The following FGD5 variants were observed in gnomAD, a reference collection of about 807,000 sequenced individuals.
FGD5 encodes FYVE, RhoGEF and PH domain containing 5, also known as FYVE, RhoGEF and PH domain-containing protein 5.
In FGD5, 28 loss-of-function variants were observed where a neutral mutation model predicts 133.4. The ratio of observed to expected loss-of-function variants is 0.21; its 90% CI spans 0.16 to 0.29. The LOEUF (loss-of-function observed/expected upper bound fraction) is 0.29, where lower values mean the gene tolerates loss of function less well. Among genes scored for constraint, FGD5 ranks in the 10% least tolerant of loss-of-function variants. The pLI, the probability that FGD5 is intolerant of heterozygous loss-of-function variation, is 1.00. For missense variants in FGD5, 1,858 were observed against 1,895.2 expected (o/e 0.98, Z 0.36); for synonymous variants, 810 against 776.5 (o/e 1.04, Z -0.72).
intron 1 of FGD5, among the ~76,000 whole-genome samples, chr3:14,837,620 A>G (rs1273202920): frequency 6.6e-6 from 1 of 151,496 alleles, no homozygotes. Flanking sequence ...TGCTTCTCCC[A>G]CGGAGAGGGG....
At chr3:14,894,655 A>G (rs943769382) in intron 4 of FGD5, among the ~76,000 whole-genome samples, 1 of 149,478 alleles carries the variant, frequency 6.7e-6, no homozygotes, top group Admixed American at 6.7e-5. Context: ...AGCTGAGACC[A>G]CAGGTGCAGG....
intron 11 of FGD5, among the ~76,000 whole-genome samples, chr3:14,912,118 C>T (rs971563329): frequency 2.6e-5 from 4 of 152,096 alleles, no homozygotes; most frequent in Admixed American, 1.3e-4. Flanking sequence ...GGGTCTTCCC[C>T]ATGCCCCAAA....
At chr3:14,897,887 C>T (rs1012642410) in intron 5 of FGD5, 52 bp from the exon 6 acceptor site, 12 of 1,606,832 alleles carry the variant, frequency 7.5e-6, no homozygotes, top group Admixed American at 6.7e-5. Flanking sequence ...TCTAACCCTG[C>T]GTTGGTTACA....
At chr3:14,904,762 G>A (rs1266045542) in intron 9 of FGD5, among the ~76,000 whole-genome samples, 1 of 152,128 alleles carries the variant, frequency 6.6e-6, no homozygotes, top group African/African-American at 2.4e-5. Flanking sequence ...ACCAGCTTTT[G>A]CATATACCCA....
chr3:14,899,663 G>C (rs955554562), intron 7 of FGD5, among the ~76,000 whole-genome samples: 6 of 152,222 alleles, frequency 3.9e-5, no homozygotes, highest in Non-Finnish European at 7.3e-5. Context: ...AGATGCAGCA[G>C]TAAATCGAAC....
At chr3:14,854,981 T>A (rs999910577) in intron 1 of FGD5, among the ~76,000 whole-genome samples, 3 of 152,204 alleles carry the variant, frequency 2.0e-5, no homozygotes, top group Admixed American at 6.5e-5. Flanking sequence ...CTGTATCTTT[T>A]ATTCTTTTAC....
At chr3:14,832,676 C>G (rs2036739642) in intron 1 of FGD5, among the ~76,000 whole-genome samples, 1 of 152,128 alleles carries the variant, frequency 6.6e-6, no homozygotes, top group Non-Finnish European at 1.5e-5. Flanking sequence ...GGGAGGATGT[C>G]TATAGGAATG....
chr3:14,926,379 A>G (rs1244044864), intron 18 of FGD5, among the ~76,000 whole-genome samples, 181 bp downstream of exon 18: 2 of 152,364 alleles, frequency 1.3e-5, no homozygotes, highest in East Asian at 1.9e-4. Flanking sequence ...ACACAACCAC[A>G]TATCACTTCA....
chr3:14,872,879 G>A (rs763357287), intron 2 of FGD5, among the ~76,000 whole-genome samples: 2 of 152,204 alleles, frequency 1.3e-5, no homozygotes, highest in Non-Finnish European at 2.9e-5. Context: ...AGTGTCTGAC[G>A]GTGGCTGAGC....
At chr3:14,893,986 G>A (rs2038085537) in intron 4 of FGD5, among the ~76,000 whole-genome samples, 1 of 151,840 alleles carries the variant, frequency 6.6e-6, no homozygotes, top group Admixed American at 6.6e-5. Context: ...TCAAACTCCT[G>A]ACCTCAGGTG....
At chr3:14,892,744 G>A (rs908508659) in intron 4 of FGD5, among the ~76,000 whole-genome samples, 7 of 152,112 alleles carry the variant, frequency 4.6e-5, no homozygotes, top group African/African-American at 1.4e-4. Flanking sequence ...ACTTGGACCT[G>A]GGAGGCAGAG....
intron 4 of FGD5, among the ~76,000 whole-genome samples, chr3:14,883,542 G>A (rs931975488): frequency 7.9e-5 from 12 of 152,054 alleles, no homozygotes; most frequent in African/African-American, 2.2e-4. Context: ...CCAACCATCC[G>A]TCCATTCCTC....
At chr3:14,857,134 A>T (rs1035420177) in intron 1 of FGD5, among the ~76,000 whole-genome samples, 4 of 151,308 alleles carry the variant, frequency 2.6e-5, no homozygotes. Flanking sequence ...AACTCTTGAA[A>T]TAATGGTTAG....
chr3:14,864,135 A>G lies in FGD5; in HGVS notation c.2533A>G (p.Thr845Ala), dbSNP rs1481507334. ...SADQDAESAY[T>A]EPYKVCPISS... is the part of the protein sequence containing the mutation. Reference sequence around the variant, plus strand: ...TCCCCTGCTTTGACCCAGCGCCTACACAGAGCCCTACAAAGTCTGTCCCAT... The same window carrying G: ...TCCCCTGCTTTGACCCAGCGCCTACGCAGAGCCCTACAAAGTCTGTCCCAT... The change falls in exon 2 of 20, where the codon ACA becomes GCA. Residue 845 changes from threonine to alanine, a missense_variant. Thr to Ala is a moderately conservative substitution (Grantham distance 58, BLOSUM62 0). Coordinates refer to ENST00000285046, the MANE Select transcript of FGD5 (RefSeq NM_152536.4). 5.6e-6 allele frequency: 9 copies of G among 1,613,596 alleles called. No homozygotes were observed. Among genetic ancestry groups the G allele is most frequent in the African/African-American group, 5.3e-5 (4 of 74,938 alleles).
rs1376030174 is a variant in FGD5 at position 14,818,975 on chromosome 3, C to T, written c.-97C>T. ...ATCTAGATTCACCAAAACCACCTGTCGCTCCCAAGCCAAAGACTACCAGTC... is the reference window on the plus strand; with the variant it reads ...ATCTAGATTCACCAAAACCACCTGTTGCTCCCAAGCCAAAGACTACCAGTC... On this transcript the variant is annotated 5_prime_UTR_variant, in exon 1 of 20. Transcript: ENST00000285046. 8.3e-6 allele frequency: 12 copies of T among 1,448,044 alleles called. No homozygotes were observed. Among genetic ancestry groups the T allele is most frequent in the African/African-American group, 4.3e-5 (3 of 69,352 alleles). The allele number at this position is 1,448,044 out of a possible 1,614,324, so 89.7% of individuals were successfully genotyped here. A position where few individuals can be genotyped will look rare whatever the true frequency, so the allele number is the denominator to read the frequency against.
intron 1 of FGD5, among the ~76,000 whole-genome samples, chr3:14,852,032 C>G (rs2037174213): frequency 6.6e-6 from 1 of 151,978 alleles, no homozygotes; most frequent in South Asian, 2.1e-4. Flanking sequence ...CTTTGGAGTA[C>G]AGTCTGGTAG....
Position 14,933,339 on chromosome 3 carries a change from G to A in FGD5, c.*172G>A. 1.5e-6 allele frequency: 1 copy of A among 686,862 alleles called. No homozygotes were observed. The highest frequency in any genetic ancestry group is 1.7e-5 in the South Asian group (1 of 59,408). The allele number at this position is 686,862 out of a possible 1,614,324, so 42.5% of individuals were successfully genotyped here. ...CCCCTGCCCTTGCCAACATCTTCAT[G>A]AATGGAATCCTTAAGGGATATTTAT... On this transcript the variant is annotated 3_prime_UTR_variant, in exon 20 of 20. Transcript: ENST00000285046.
At position 14,921,957 on chromosome 3, in the gene FGD5, C is replaced by T; in HGVS notation, c.3609C>T (p.Ser1203=). 2 of 1,571,928 alleles carry T rather than the reference C, an allele frequency of 1.3e-6. No homozygotes were observed. The highest frequency in any genetic ancestry group is 1.9e-5 in the Admixed American group (1 of 53,778). ...GGGACGAGTGGTATGGCTGTCTGAGCAGAGCCCTCCCTGAGGACTACAAGG... is the reference window on the plus strand; with the variant it reads ...GGGACGAGTGGTATGGCTGTCTGAGTAGAGCCCTCCCTGAGGACTACAAGG... ...AERDEWYGCL[S]RALPEDYKAQ... is the part of the protein sequence containing the mutation. The change falls in exon 14 of 20, where the codon AGC becomes AGT. Residue 1203 remains serine (S), a synonymous_variant. Coordinates refer to ENST00000285046, the MANE Select transcript of FGD5 (RefSeq NM_152536.4).
intron 1 of FGD5, among the ~76,000 whole-genome samples, chr3:14,824,321 C>T (rs1261893271): frequency 6.6e-6 from 1 of 152,154 alleles, no homozygotes; most frequent in Non-Finnish European, 1.5e-5. Flanking sequence ...GCTTGTTTGC[C>T]TGAATAGGGG....
Sources: allele counts gnomAD v4.1 joint callset (sites outside exome capture counted in the v4.1 genomes callset), GRCh38; gene constraint gnomAD v4.1.1; transcripts MANE v1.5; gene names NCBI Gene and HGNC (gene_info 2026-07-23, HGNC 2026-07-21).